The following CYP4F22 variants were observed in gnomAD, a reference collection of about 807,000 sequenced individuals.
CYP4F22 encodes ultra-long-chain fatty acid omega-hydroxylase.
A neutral mutation model predicts 60.4 loss-of-function variants in CYP4F22; 37 were observed. The ratio of observed to expected loss-of-function variants is 0.61; its 90% CI spans 0.47 to 0.81. The LOEUF (loss-of-function observed/expected upper bound fraction) is 0.81. CYP4F22 is among the 30% of genes least tolerant of loss of function. The pLI, the probability that CYP4F22 is intolerant of heterozygous loss-of-function variation, is 0.00. For missense variants in CYP4F22, 655 were observed against 715.0 expected, an observed-to-expected ratio of 0.92 and a Z score of 0.96; for synonymous variants, 258 against 280.5, an observed-to-expected ratio of 0.92 and a Z score of 0.80.
intron 2 of CYP4F22, among the ~76,000 whole-genome samples, 175 bp from the exon 3 acceptor site, chr19:15,525,161 G>A (rs1460658499): frequency 6.6e-6 from 1 of 152,198 alleles, no homozygotes; most frequent in Non-Finnish European, 1.5e-5. Context: ...GCAGGGCCCC[G>A]AGTGCATCCA....
intron 1 of CYP4F22, chr19:15,516,807 G>T: frequency 1.9e-6 from 1 of 529,810 alleles, no homozygotes; most frequent in Non-Finnish European, 3.0e-6. Context: ...AGAGGTCCAT[G>T]GGGTACGTGG....
intron 1 of CYP4F22, among the ~76,000 whole-genome samples, chr19:15,519,530 T>C (rs1477600067): frequency 6.6e-6 from 1 of 152,148 alleles, no homozygotes; most frequent in African/African-American, 2.4e-5. Flanking sequence ...TCCAAAGTGC[T>C]GGGATTACAG....
chr19:15,515,665 G>T (rs1224977353), intron 1 of CYP4F22, among the ~76,000 whole-genome samples: 1 of 151,996 alleles, frequency 6.6e-6, no homozygotes, highest in Non-Finnish European at 1.5e-5. Context: ...GGCAAAGGCT[G>T]CAGTGAGCTG....
At chr19:15,545,648 CAA>C (rs1217096575) in intron 10 of CYP4F22, among the ~76,000 whole-genome samples, 33 of 38,948 alleles carry the variant, frequency 8.5e-4, no homozygotes, top group African/African-American at 2.0e-3. Flanking sequence ...GACCCTGTCT[CAA>C]AAAAAAAAAA....
chr19:15,538,227 T>C (rs1354301443), intron 7 of CYP4F22, among the ~76,000 whole-genome samples: 2 of 152,142 alleles, frequency 1.3e-5, no homozygotes, highest in African/African-American at 4.8e-5. Flanking sequence ...TTAAATGAGA[T>C]AATGTGAATC....
chr19:15,515,778 C>T (rs1477334402), intron 1 of CYP4F22, among the ~76,000 whole-genome samples: 1 of 151,854 alleles, frequency 6.6e-6, no homozygotes, highest in Non-Finnish European at 1.5e-5. Context: ...GGCTGGAGGG[C>T]AGTGGCGCGA....
At position 15,537,375 on chromosome 19, in the gene CYP4F22, A is replaced by G. The variant is rs753753497; in HGVS notation, c.382A>G (p.Lys128Glu). 3 of 1,614,138 alleles carry G rather than the reference A, an allele frequency of 1.9e-6. No homozygotes were observed. Among genetic ancestry groups the G allele is most frequent in the South Asian group, 2.2e-5 (2 of 91,090 alleles). Reference sequence around the variant, plus strand: ...GCCCTCCACAGCTGCCATCGCCCCCAAGGATGACCTCTTCTATGGCTTCCT... The same window carrying G: ...GCCCTCCACAGCTGCCATCGCCCCCGAGGATGACCTCTTCTATGGCTTCCT... ...LLGASAAIAP[K>E]DDLFYGFLKP... Residue 128 changes from lysine (K) to glutamate (E), a missense_variant, in exon 5 of 14, where the codon AAG becomes GAG. Physicochemically the swap from Lys to Glu is moderately conservative, Grantham distance 56. Around this residue, in one of 3 missense-constraint regions of CYP4F22, gnomAD observed 430 missense variants for 457.1 expected, o/e 0.94. Coordinates refer to ENST00000269703, the MANE Select transcript of CYP4F22 (RefSeq NM_173483.4).
chr19:15,549,284 C>T, intron 12 of CYP4F22, 82 bp downstream of exon 12: 1 of 1,470,876 alleles, frequency 6.8e-7, no homozygotes, highest in Non-Finnish European at 9.5e-7. Flanking sequence ...GGGCTGGTTG[C>T]AGGGCCTGAG....
chr19:15,525,641 C>T (rs1599796425), intron 3 of CYP4F22, 83 bp downstream of exon 3: 1 of 1,303,074 alleles, frequency 7.7e-7, no homozygotes, highest in Non-Finnish European at 1.1e-6. Flanking sequence ...CTGCTGGCTT[C>T]CCACAGCCTC....
At chr19:15,538,778 A>C (rs531407550) in intron 7 of CYP4F22, among the ~76,000 whole-genome samples, 2 of 152,346 alleles carry the variant, frequency 1.3e-5, no homozygotes, top group South Asian at 4.1e-4. Flanking sequence ...AATTCATCCA[A>C]GAAATATTTA....
intron 10 of CYP4F22, among the ~76,000 whole-genome samples, chr19:15,547,363 T>G (rs536898540): frequency 6.6e-6 from 1 of 152,224 alleles, no homozygotes; most frequent in East Asian, 1.9e-4. Context: ...CCATATAAAC[T>G]GGCATATTGC....
At chr19:15,530,671 G>A (rs999238619) in intron 4 of CYP4F22, among the ~76,000 whole-genome samples, 4 of 152,210 alleles carry the variant, frequency 2.6e-5, no homozygotes, top group East Asian at 1.9e-4. Context: ...AAGCAAACAC[G>A]TCCTTCTTCA....
chr19:15,518,837 A>G (rs1971187697), intron 1 of CYP4F22, among the ~76,000 whole-genome samples: 1 of 151,896 alleles, frequency 6.6e-6, no homozygotes, highest in Non-Finnish European at 1.5e-5. Context: ...TGCAGAATGG[A>G]CTTCTTGCAG....
intron 8 of CYP4F22, among the ~76,000 whole-genome samples, chr19:15,542,965 T>A (rs1374069316): frequency 6.6e-6 from 1 of 152,210 alleles, no homozygotes; most frequent in African/African-American, 2.4e-5. Flanking sequence ...TGATGGGCAT[T>A]TGGGTTGATT....
intron 1 of CYP4F22, among the ~76,000 whole-genome samples, chr19:15,513,363 T>A (rs4809196): frequency 0.21 from 17,103 of 81,470 alleles, 1,578 homozygotes; most frequent in East Asian, 0.54. Flanking sequence ...ATATATATAT[T>A]TTTTTTTTTT....
At chr19:15,522,053 G>A (rs903008492) in intron 1 of CYP4F22, among the ~76,000 whole-genome samples, 2 of 150,358 alleles carry the variant, frequency 1.3e-5, no homozygotes, top group African/African-American at 2.4e-5. Context: ...GCTGAGGCAT[G>A]AGAATTGCTT....
At chr19:15,536,910 G>A (rs1478287530) in intron 4 of CYP4F22, among the ~76,000 whole-genome samples, 2 of 152,136 alleles carry the variant, frequency 1.3e-5, no homozygotes, top group South Asian at 2.1e-4. Context: ...ATTTTTTCTC[G>A]GGTAGGTGTG....
Position 15,548,227 on chromosome 19 carries a change from G to A in CYP4F22, c.1256G>A (p.Arg419His), listed in dbSNP as rs368958384. 63 of 1,613,924 alleles carry A rather than the reference G, an allele frequency of 3.9e-5. No individual in the cohort carries two copies. Among genetic ancestry groups the A allele is most frequent in the African/African-American group, 6.7e-5 (5 of 74,910 alleles). ...CTEDIKLPDG[R>H]IIPKGIICLV... ...GAGGACATCAAGCTCCCAGATGGGC[G>A]CATCATCCCCAAAGGTGCCTACCAT... Residue 419 changes from arginine to histidine, a missense_variant, in exon 11 of 14, where the codon CGC (arginine) becomes CAC (histidine). Physicochemically the swap from Arg to His is conservative, Grantham distance 29. Around this residue, in one of 3 missense-constraint regions of CYP4F22, gnomAD observed 74 missense variants for 118.4 expected, o/e 0.62. Transcript: ENST00000269703.
intron 1 of CYP4F22, among the ~76,000 whole-genome samples, chr19:15,512,962 G>A: frequency 6.6e-6 from 1 of 151,414 alleles, no homozygotes; most frequent in East Asian, 1.9e-4. Context: ...TCCAGAGGCT[G>A]CCACCATTTT....
Sources: allele counts gnomAD v4.1 joint callset (sites outside exome capture counted in the v4.1 genomes callset), GRCh38; gene constraint gnomAD v4.1.1; regional missense constraint gnomAD v4.1.1; transcripts MANE v1.5; gene names NCBI Gene and HGNC (gene_info 2026-07-23, HGNC 2026-07-21).